The following ZNF713 variants were observed in gnomAD, a reference collection of about 807,000 sequenced individuals.
ZNF713 encodes zinc finger protein 713.
A neutral mutation model predicts 28.7 loss-of-function variants in ZNF713; 21 were observed. The observed-to-expected ratio is 0.73, with a 90% CI of 0.52 to 1.05. The LOEUF is 1.05. Among genes scored for constraint, ZNF713 ranks in the 50% least tolerant of loss-of-function variants. ZNF713 has a pLI of 0.00. For missense variants in ZNF713, 458 were observed against 532.4 expected (o/e 0.86, Z 1.37); for synonymous variants, 167 against 178.0 (o/e 0.94, Z 0.49).
chr7:55,938,847 C>T (rs1004892265), intron 6 of ZNF713, 135 bp from the exon 7 acceptor site: 1 of 897,916 alleles, frequency 1.1e-6, no homozygotes, highest in Non-Finnish European at 1.6e-6. Context: ...CATTGAAAAA[C>T]TTTCAATGCC....
intron 6 of ZNF713, among the ~76,000 whole-genome samples, chr7:55,927,363 CA>C (rs1014492811): frequency 7.9e-5 from 12 of 151,124 alleles, no homozygotes; most frequent in African/African-American, 2.7e-4. Context: ...CCCATCTCTA[CA>C]AAAAAATTAA....
chr7:55,892,452 A>G (rs929492640), intron 1 of ZNF713, among the ~76,000 whole-genome samples: 6 of 151,520 alleles, frequency 4.0e-5, no homozygotes, highest in Non-Finnish European at 8.8e-5. Context: ...AGAAAACCCT[A>G]TAACAAAACA....
intron 1 of ZNF713, among the ~76,000 whole-genome samples, chr7:55,896,956 T>G (rs1785483915): frequency 6.6e-6 from 1 of 152,054 alleles, no homozygotes. Flanking sequence ...GCTGAAACAA[T>G]TTGTGCAATA....
At position 55,940,064 on chromosome 7, in the gene ZNF713, T is replaced by G. The variant is rs1391376206; in HGVS notation, c.*58T>G. 6.7e-7 allele frequency: 1 copy of G among 1,500,778 alleles called. No homozygotes were observed. Among genetic ancestry groups the G allele is most frequent in the African/African-American group, 1.4e-5 (1 of 71,202 alleles). The allele number at this position is 1,500,778 out of a possible 1,614,324, so 93.0% of individuals were successfully genotyped here. On this transcript the variant is annotated 3_prime_UTR_variant, in exon 7 of 7. Coordinates refer to ENST00000429591, the MANE Select transcript of ZNF713 (RefSeq NM_182633.3). ...ATGTAGGAGATTTTTTGGTCAGACC[T>G]TTTTATCCCATTCAATATCAAATTA...
chr7:55,887,835 C>A (rs1426795166), intron 1 of ZNF713, among the ~76,000 whole-genome samples, 155 bp downstream of exon 1: 78 of 2,774 alleles, frequency 0.028, 21 homozygotes, highest in South Asian at 0.2. Flanking sequence ...GGGCGGCGGG[C>A]GGCGGGCGGC....
intron 1 of ZNF713, among the ~76,000 whole-genome samples, chr7:55,889,123 T>C (rs1206696586): frequency 6.8e-6 from 1 of 147,876 alleles, no homozygotes; most frequent in Non-Finnish European, 1.5e-5. Context: ...TTTTTTGAGA[T>C]GGAGTTTCGC....
intron 1 of ZNF713, among the ~76,000 whole-genome samples, chr7:55,888,913 T>C (rs1313992415): frequency 6.6e-6 from 1 of 151,696 alleles, no homozygotes; most frequent in East Asian, 2.0e-4. Context: ...TAACCGGACT[T>C]GGTGGTGTGT....
Position 55,909,244 on chromosome 7 carries a change from C to T in ZNF713, c.-455-2372C>T, listed in dbSNP as rs1785740445. Reference sequence around the variant, plus strand: ...AAGATAGGAGTCCGGTATCATTCTTCTACATGTTGGCTATCCAAGTTTTCC... The same window carrying T: ...AAGATAGGAGTCCGGTATCATTCTTTTACATGTTGGCTATCCAAGTTTTCC... On this transcript the variant is annotated intron_variant, in intron 2 of 6. Coordinates refer to ENST00000429591, the MANE Select transcript of ZNF713 (RefSeq NM_182633.3). 3.4e-5 allele frequency among the ~76,000 whole-genome samples: 5 copies of T among 147,710 alleles called. 1 individual carries two copies. In the South Asian group the frequency reaches 1.1e-3, roughly 32 times the overall value.
intron 1 of ZNF713, among the ~76,000 whole-genome samples, chr7:55,888,138 C>T (rs931242891): frequency 6.6e-6 from 1 of 152,054 alleles, no homozygotes; most frequent in African/African-American, 2.4e-5. Flanking sequence ...TTTTCCTCAT[C>T]TCAGGATTAT....
chr7:55,905,977 C>A (rs570917233), intron 1 of ZNF713, among the ~76,000 whole-genome samples: 1 of 151,952 alleles, frequency 6.6e-6, no homozygotes, highest in African/African-American at 2.4e-5. Flanking sequence ...TGGTACACGC[C>A]TGTAGTCCCA....
intron 4 of ZNF713, among the ~76,000 whole-genome samples, chr7:55,919,494 T>TTTTTGTTTTTTTTTTG (rs1379092054): frequency 1.3e-4 from 3 of 22,684 alleles, no homozygotes; most frequent in African/African-American, 7.6e-4. Flanking sequence ...ACTCCAGTTT[T>TTTTTGTTTTTTTTTTG]TTTTTTTTTT....
intron 2 of ZNF713, among the ~76,000 whole-genome samples, chr7:55,907,929 A>G (rs772754273): frequency 1.3e-5 from 2 of 152,120 alleles, no homozygotes; most frequent in Non-Finnish European, 2.9e-5. Flanking sequence ...ATACAAGTGC[A>G]GGTGTCTTTT....
At chr7:55,907,471 G>A (rs1785701098) in intron 2 of ZNF713, among the ~76,000 whole-genome samples, 1 of 152,030 alleles carries the variant, frequency 6.6e-6, no homozygotes, top group Non-Finnish European at 1.5e-5. Flanking sequence ...ATTCTTTTTT[G>A]TGGCTGCATG....
chr7:55,887,827 G>C (rs1175852521), intron 1 of ZNF713, 147 bp downstream of exon 1: 2 of 8,336 alleles, frequency 2.4e-4, no homozygotes, highest in Admixed American at 7.9e-4. Context: ...CGGGCGGCGG[G>C]CGGCGGGCGG....
intron 1 of ZNF713, among the ~76,000 whole-genome samples, chr7:55,889,000 C>T (rs1465569634): frequency 6.6e-6 from 1 of 152,042 alleles, no homozygotes; most frequent in Non-Finnish European, 1.5e-5. Context: ...TGCAGTGAGC[C>T]AGTCACTGCA....
chr7:55,896,131 G>A (rs941788851), intron 1 of ZNF713, among the ~76,000 whole-genome samples: 1 of 152,154 alleles, frequency 6.6e-6, no homozygotes, highest in Non-Finnish European at 1.5e-5. Context: ...GAAAGGACGA[G>A]CAGTGAAACC....
At chr7:55,932,914 G>C (rs993232113) in intron 6 of ZNF713, among the ~76,000 whole-genome samples, 1 of 106,808 alleles carries the variant, frequency 9.4e-6, no homozygotes, top group Admixed American at 9.4e-5. Flanking sequence ...AAAAAAAGAA[G>C]CTACAACCTA....
intron 1 of ZNF713, among the ~76,000 whole-genome samples, chr7:55,903,047 C>CTG (rs1785607049): frequency 6.8e-6 from 1 of 147,668 alleles, no homozygotes; most frequent in Non-Finnish European, 1.5e-5. Flanking sequence ...GAGCATTGTA[C>CTG]TGTGGTTTTG....
Position 55,940,015 on chromosome 7 carries a change from G to A in ZNF713, c.*9G>A. ...CATTTAGCAGCACATAACTTATGGTGGGGGAAATCAGATAAATATATAAAT... is the reference window on the plus strand; with the variant it reads ...CATTTAGCAGCACATAACTTATGGTAGGGGAAATCAGATAAATATATAAAT... On this transcript the variant is annotated 3_prime_UTR_variant, in exon 7 of 7. Coordinates refer to ENST00000429591, the MANE Select transcript of ZNF713 (RefSeq NM_182633.3). 1 of 1,541,316 alleles carries A rather than the reference G, an allele frequency of 6.5e-7. No homozygotes were observed. Among genetic ancestry groups the A allele is most frequent in the Non-Finnish European group, 8.7e-7 (1 of 1,145,934 alleles).
Sources: gnomAD v4.1 joint callset for allele counts (sites outside exome capture counted in the v4.1 genomes callset) on GRCh38, gnomAD v4.1.1 for gene constraint, MANE v1.5 for transcripts, NCBI Gene and HGNC (gene_info 2026-07-23, HGNC 2026-07-21) for gene names.